The following STXBP5L variants were observed in gnomAD, a reference collection of about 807,000 sequenced individuals.
The protein encoded by STXBP5L is syntaxin-binding protein 5-like.
STXBP5L carries 65 observed loss-of-function variants against 144.5 expected under a neutral mutation model. That is an observed-to-expected ratio of 0.45 (90% CI 0.37 to 0.55). STXBP5L has a LOEUF of 0.55. Among genes scored for constraint, STXBP5L ranks in the 20% least tolerant of loss-of-function variants. STXBP5L has a pLI of 0.00. For synonymous variants in STXBP5L, 505 were observed against 469.6 expected, an observed-to-expected ratio of 1.08 and a Z score of -0.97; for missense variants, 1,298 against 1,405.5, an observed-to-expected ratio of 0.92 and a Z score of 1.22.
At chr3:121,203,773 T>C (rs539852799) in intron 9 of STXBP5L, among the ~76,000 whole-genome samples, 2 of 152,340 alleles carry the variant, frequency 1.3e-5, no homozygotes, top group Non-Finnish European at 2.9e-5. Flanking sequence ...ACTGCAAATA[T>C]ACTGTTTTGT....
intron 2 of STXBP5L, among the ~76,000 whole-genome samples, chr3:120,931,955 TG>T (rs1379400113): frequency 6.6e-6 from 1 of 152,210 alleles, no homozygotes; most frequent in African/African-American, 2.4e-5. Flanking sequence ...GGTCATTGTG[TG>T]AACGTCACAG....
At chr3:121,028,876 A>G (rs1311511594) in intron 3 of STXBP5L, among the ~76,000 whole-genome samples, 1 of 152,076 alleles carries the variant, frequency 6.6e-6, no homozygotes, top group Non-Finnish European at 1.5e-5. Context: ...ATTGCTAACA[A>G]TAGAAACTAG....
At chr3:121,074,180 C>T (rs1174040565) in intron 5 of STXBP5L, among the ~76,000 whole-genome samples, 2 of 152,074 alleles carry the variant, frequency 1.3e-5, no homozygotes, top group Non-Finnish European at 2.9e-5. Context: ...GTGATGAGCC[C>T]CACTCAAAGA....
At chr3:121,342,114 CAT>C (rs2044736481) in intron 20 of STXBP5L, among the ~76,000 whole-genome samples, 1 of 151,918 alleles carries the variant, frequency 6.6e-6, no homozygotes, top group African/African-American at 2.4e-5. Flanking sequence ...AATATATACA[CAT>C]ACTATTTACC....
chr3:121,101,613 C>G (rs2043430562), intron 5 of STXBP5L, among the ~76,000 whole-genome samples: 1 of 152,018 alleles, frequency 6.6e-6, no homozygotes, highest in Non-Finnish European at 1.5e-5. Context: ...ATGATAAACA[C>G]ATAGCCAATA....
chr3:121,372,564 C>T (rs1435678751), intron 20 of STXBP5L, among the ~76,000 whole-genome samples: 1 of 152,192 alleles, frequency 6.6e-6, no homozygotes, highest in Admixed American at 6.5e-5. Flanking sequence ...CTGCTCAACT[C>T]ACCCCTTTTG....
intron 3 of STXBP5L, among the ~76,000 whole-genome samples, chr3:120,958,389 T>A (rs544120489): frequency 1.3e-5 from 2 of 152,182 alleles, no homozygotes; most frequent in African/African-American, 4.8e-5. Flanking sequence ...AAAGAGGGAA[T>A]CCTCCCTAAC....
At chr3:121,312,581 GT>G (rs542130725) in intron 19 of STXBP5L, among the ~76,000 whole-genome samples, 174 of 148,368 alleles carry the variant, frequency 1.2e-3, no homozygotes, top group African/African-American at 4.2e-3. Context: ...AAGGTCTCTG[GT>G]TTTCCTAGGC....
At chr3:120,936,449 G>A (rs1710268737) in intron 2 of STXBP5L, among the ~76,000 whole-genome samples, 1 of 152,150 alleles carries the variant, frequency 6.6e-6, no homozygotes, top group African/African-American at 2.4e-5. Flanking sequence ...TAGGCTTTTA[G>A]TTTGAGATTA....
intron 9 of STXBP5L, among the ~76,000 whole-genome samples, chr3:121,176,258 A>T (rs938578119): frequency 1.3e-5 from 2 of 152,094 alleles, no homozygotes; most frequent in South Asian, 4.1e-4. Flanking sequence ...CCATTTTTTT[A>T]AAAGTGGAAA....
At chr3:121,270,135 T>C (rs909055852) in intron 18 of STXBP5L, among the ~76,000 whole-genome samples, 5 of 152,138 alleles carry the variant, frequency 3.3e-5, no homozygotes, top group African/African-American at 4.8e-5. Context: ...GTCACTCATA[T>C]TGAGGGTTTT....
chr3:120,987,027 A>G (rs1321027138), intron 3 of STXBP5L, among the ~76,000 whole-genome samples: 1 of 151,982 alleles, frequency 6.6e-6, no homozygotes, highest in African/African-American at 2.4e-5. Context: ...TATTTGAAGA[A>G]ATAATGACCA....
intron 5 of STXBP5L, among the ~76,000 whole-genome samples, chr3:121,101,770 C>T (rs918819663): frequency 6.6e-6 from 1 of 151,882 alleles, no homozygotes; most frequent in East Asian, 1.9e-4. Flanking sequence ...AGGCATCCAA[C>T]TAGGAAAAGA....
chr3:121,089,940 T>G (rs1294608047), intron 5 of STXBP5L, among the ~76,000 whole-genome samples: 2 of 152,102 alleles, frequency 1.3e-5, no homozygotes, highest in Non-Finnish European at 2.9e-5. Context: ...TACTTACTTT[T>G]TCTTTGCTTA....
chr3:121,130,575 T>C (rs1035469092), intron 7 of STXBP5L, among the ~76,000 whole-genome samples: 34 of 152,086 alleles, frequency 2.2e-4, no homozygotes, highest in African/African-American at 7.7e-4. Context: ...GCCTGCTTCA[T>C]AGACAAGTCA....
intron 20 of STXBP5L, chr3:121,357,227 G>T: frequency 4.6e-6 from 1 of 217,162 alleles, no homozygotes. Context: ...AGCTAACCCT[G>T]GTGATCCTGA....
chr3:121,337,451 A>G (rs1343745568), intron 20 of STXBP5L, among the ~76,000 whole-genome samples: 2 of 151,318 alleles, frequency 1.3e-5, no homozygotes, highest in Non-Finnish European at 2.9e-5. Context: ...AAAAAAAAAA[A>G]AAAAAAAAGT....
chr3:121,163,500 T>C (rs1300023975), intron 9 of STXBP5L, among the ~76,000 whole-genome samples: 1 of 151,826 alleles, frequency 6.6e-6, no homozygotes, highest in Non-Finnish European at 1.5e-5. Flanking sequence ...GATGATGGGT[T>C]GATGGGTGCA....
chr3:121,090,249 A>G (rs973520459), intron 5 of STXBP5L, among the ~76,000 whole-genome samples: 1 of 152,056 alleles, frequency 6.6e-6, no homozygotes, highest in Non-Finnish European at 1.5e-5. Context: ...TGTGTTATTA[A>G]TGATAGGTGG....
Sources: allele counts gnomAD v4.1 joint callset (sites outside exome capture counted in the v4.1 genomes callset), GRCh38; gene constraint gnomAD v4.1.1; transcripts MANE v1.5; gene names NCBI Gene and HGNC (gene_info 2026-07-23, HGNC 2026-07-21).